Variants in PISD observed in about 807,000 individuals in gnomAD.
PISD encodes the protein phosphatidylserine decarboxylase proenzyme, mitochondrial.
PISD carries 31 observed loss-of-function variants against 43.5 expected under a neutral mutation model. The ratio of observed to expected loss-of-function variants is 0.71; its 90% CI spans 0.54 to 0.96. The LOEUF is 0.96. PISD is among the 40% of genes least tolerant of loss of function. The pLI, the probability that PISD is intolerant of heterozygous loss-of-function variation, is 0.00. For missense variants in PISD, 523 were observed against 548.4 expected (o/e 0.95, Z 0.46); for synonymous variants, 259 against 228.7 (o/e 1.13, Z -1.20).
chr22:31,623,784 G>C (rs1452458750), intron 3 of PISD: 2 of 1,614,160 alleles, frequency 1.2e-6, no homozygotes, highest in South Asian at 2.2e-5. Context: ...CAGTTTCAGA[G>C]CGGGTCTGGA....
At chr22:31,651,010 CTA>C (rs906096537) in intron 1 of PISD, among the ~76,000 whole-genome samples, 3 of 152,170 alleles carry the variant, frequency 2.0e-5, no homozygotes, top group African/African-American at 7.2e-5. Flanking sequence ...GTCACCCAGG[CTA>C]GAGTGCAGTG....
At chr22:31,645,674 G>A (rs1363190421) in intron 3 of PISD, among the ~76,000 whole-genome samples, 10 of 147,512 alleles carry the variant, frequency 6.8e-5, no homozygotes, top group Non-Finnish European at 1.5e-4. Context: ...CACCGCGCCC[G>A]GCCAGTGAAA....
At chr22:31,650,893 T>C (rs568992722) in intron 1 of PISD, 115 bp from the exon 2 acceptor site, 66 of 621,420 alleles carry the variant, frequency 1.1e-4, no homozygotes, top group Non-Finnish European at 1.7e-4. Context: ...AATGTCTTGG[T>C]TTTGACAACT....
At chr22:31,623,607 C>A (rs2072703229) in intron 3 of PISD, 1 of 1,395,468 alleles carries the variant, frequency 7.2e-7, no homozygotes, top group African/African-American at 1.4e-5. Context: ...CTCGCCACCA[C>A]CTCAGTCTCT....
Position 31,621,599 on chromosome 22 carries a change from G to A in PISD, c.558+50C>T, listed in dbSNP as rs1986650736. The A allele has an allele frequency of 1.9e-6, 3 of 1,598,748 alleles. No individual in the cohort carries two copies. The South Asian group carries it at 3.3e-5, about 18-fold the overall frequency. On this transcript the variant is annotated intron_variant, in intron 4 of 7. Transcript: ENST00000439502. ...TGGAGACCAGGGGGGCTGTGCTGGG[G>A]AGGCAGGAAAAAGTCCTGTTTCCTG...
chr22:31,628,286 G>T, intron 3 of PISD: 1 of 692,930 alleles, frequency 1.4e-6, no homozygotes, highest in Non-Finnish European at 1.8e-6. Flanking sequence ...TCCTTGGCCA[G>T]CAGTGTTTCT....
At position 31,621,676 on chromosome 22, in the gene PISD, G is replaced by A. The variant is rs374628802; in HGVS notation, c.531C>T (p.Ala177=). 168 of 1,613,726 alleles carry A rather than the reference G, an allele frequency of 1.0e-4. No individual in the cohort carries two copies. The highest frequency in any genetic ancestry group is 1.3e-4 in the Non-Finnish European group (159 of 1,179,950). The change falls in exon 4 of 8, where the codon GCC becomes GCT. Residue 177 remains alanine, a synonymous_variant. Coordinates refer to ENST00000439502, the MANE Select transcript of PISD (RefSeq NM_001326411.2). The part of the protein sequence containing the change: ...EFFRRKLKPQ[A]RPVCGLHSVI... ...CGCTGTGCAGGCCACAGACAGGCCG[G>A]GCCTGCGGCTTCAGCTTGCGCCGGA... is the stretch of plus-strand genomic sequence containing the variant.
At chr22:31,644,340 C>T (rs1384301164) in intron 3 of PISD, among the ~76,000 whole-genome samples, 1 of 151,282 alleles carries the variant, frequency 6.6e-6, no homozygotes, top group African/African-American at 2.4e-5. Context: ...CCCGGGTTCA[C>T]GCCATTCTCC....
chr22:31,648,352 G>T (rs1273740442), intron 2 of PISD, 76 bp from the exon 3 acceptor site: 2 of 1,331,000 alleles, frequency 1.5e-6, no homozygotes, highest in Admixed American at 2.1e-5. Flanking sequence ...AGCACCAACA[G>T]GAGGGTCAGG....
At position 31,624,062 on chromosome 22, in the gene PISD, C is replaced by T. The variant is rs73160689; in HGVS notation, c.322-2177G>A. On this transcript the variant is annotated intron_variant, in intron 3 of 7. Transcript: ENST00000439502. ...CAGGGGCTTGGCTGCCTCTGGCTAG[C>T]GGACTCATTTCCCAGGCTCTCCCAC... 4.0e-3 allele frequency among the ~76,000 whole-genome samples: 613 copies of T among 152,338 alleles called. 5 individuals are homozygous for T. Among genetic ancestry groups the T allele is most frequent in the African/African-American group, 7.9e-3 (330 of 41,580 alleles).
At chr22:31,657,799 C>T (rs766481164) in intron 1 of PISD, among the ~76,000 whole-genome samples, 1 of 152,148 alleles carries the variant, frequency 6.6e-6, no homozygotes, top group Admixed American at 6.5e-5. Flanking sequence ...GGATTACAGG[C>T]GTGAGCCACT....
At chr22:31,633,871 T>C (rs1027025917) in intron 3 of PISD, among the ~76,000 whole-genome samples, 3 of 152,228 alleles carry the variant, frequency 2.0e-5, no homozygotes, top group Admixed American at 6.5e-5. Context: ...TACAAGTGAA[T>C]TTCCATTAGG....
intron 3 of PISD, chr22:31,629,384 G>C (rs200864634): frequency 0.054 from 9,578 of 177,262 alleles, 414 homozygotes; most frequent in Admixed American, 0.12. Flanking sequence ...GTAGGTGTGA[G>C]TGTGTTATGC....
At chr22:31,662,312 T>C, upstream of PISD, 1 of 1,227,966 alleles carries the variant, frequency 8.1e-7, no homozygotes, top group Non-Finnish European at 1.2e-6. Context: ...AAAGCGCGGG[T>C]TGGGGGCGGA....
chr22:31,630,961 C>T lies in PISD; in HGVS notation c.322-9076G>A. Reference sequence around the variant, plus strand: ...CAGCCACCCTTAAAGCTGCCGCCCCCTCTGAGCCCCAGTCCTGCTGGGCCG... The same window carrying T: ...CAGCCACCCTTAAAGCTGCCGCCCCTTCTGAGCCCCAGTCCTGCTGGGCCG... On this transcript the variant is annotated intron_variant, in intron 3 of 7. Transcript: ENST00000439502. The surrounding 1 kb of genome is among the most constrained non-coding windows in gnomAD (Gnocchi z 4.4). 1.5e-6 allele frequency: 1 copy of T among 685,018 alleles called. No individual in the cohort carries two copies. The highest frequency in any genetic ancestry group is 1.9e-5 in the African/African-American group (1 of 51,744). The allele number at this position is 685,018 out of a possible 1,614,324, so 42.4% of individuals were successfully genotyped here. A position where few individuals can be genotyped will look rare whatever the true frequency, so the allele number is the denominator to read the frequency against.
At chr22:31,624,459 G>A (rs888346091) in intron 3 of PISD, among the ~76,000 whole-genome samples, 4 of 151,980 alleles carry the variant, frequency 2.6e-5, no homozygotes, top group African/African-American at 9.7e-5. Flanking sequence ...TAAATTACGG[G>A]GCCAAGGCCA....
At chr22:31,632,115 G>A in intron 3 of PISD, 1 of 321,112 alleles carries the variant, frequency 3.1e-6, no homozygotes. Context: ...GAGAAATGGT[G>A]TGGGGGCCAC....
intron 1 of PISD, 37 bp downstream of exon 1, chr22:31,662,107 C>T (rs771932725): frequency 1.6e-5 from 25 of 1,580,526 alleles, no homozygotes; most frequent in Non-Finnish European, 2.2e-5. Context: ...GTCCAGGTTG[C>T]CCCACGCCCC....
chr22:31,632,499 G>A (rs920696210), intron 3 of PISD, among the ~76,000 whole-genome samples: 1 of 152,190 alleles, frequency 6.6e-6, no homozygotes, highest in Admixed American at 6.5e-5. Flanking sequence ...CAGGGCTACT[G>A]TCTGTGTGGA....
Sources: gnomAD v4.1 joint callset for allele counts (sites outside exome capture counted in the v4.1 genomes callset) on GRCh38, gnomAD v4.1.1 for gene constraint, Gnocchi (gnomAD v3.1) non-coding constraint, MANE v1.5 for transcripts, NCBI Gene and HGNC (gene_info 2026-07-23, HGNC 2026-07-21) for gene names.